Variants in DLL4 observed in about 807,000 individuals in gnomAD.
DLL4 encodes the protein delta like canonical Notch ligand 4, also known as delta-like protein 4.
DLL4 carries 7 observed loss-of-function variants against 73.6 expected under a neutral mutation model. The observed-to-expected ratio is 0.10, with a 90% confidence interval of 0.05 to 0.18. DLL4 has a LOEUF of 0.18. DLL4 is among the 10% of genes least tolerant of loss of function. DLL4 has a pLI of 1.00. For synonymous variants in DLL4, 345 were observed against 374.3 expected, an observed-to-expected ratio of 0.92 and a Z score of 0.90; for missense variants, 614 against 929.9, an observed-to-expected ratio of 0.66 and a Z score of 4.42.
In DLL4 at chr15:40,935,012, G is replaced by A; in HGVS notation, c.1135G>A (p.Glu379Lys). 6.2e-7 allele frequency: 1 copy of A among 1,613,568 alleles called. No homozygotes were observed. Among genetic ancestry groups the A allele is most frequent in the Non-Finnish European group, 8.5e-7 (1 of 1,179,892 alleles). Residue 379 changes from glutamate to lysine, a missense_variant, in exon 8 of 11, where the codon GAG becomes AAG. By Grantham distance (56) the Glu-to-Lys change is moderately conservative. Coordinates refer to ENST00000249749, the MANE Select transcript of DLL4 (RefSeq NM_019074.4). ...SPCFNGGSCR[E>K]RNQGANYACE... ...CTGCTTCAATGGGGGCTCCTGCCGG[G>A]AGCGCAACCAGGGGGCCAACTATGC...
Position 40,932,410 on chromosome 15 carries a change from T to C in DLL4, c.813T>C (p.Thr271=). ...HGTCSTPWQC[T]CDEGWGGLFC... is the part of the protein sequence containing the mutation. ...CCTGCAGCACTCCCTGGCAATGTAC[T>C]TGTGATGAGGGCTGGGGAGGCCTGT... Residue 271 remains threonine, a synonymous_variant, in exon 6 of 11, where the codon ACT becomes ACC. Coordinates refer to ENST00000249749, the MANE Select transcript of DLL4 (RefSeq NM_019074.4). 1 of 1,613,944 alleles carries C rather than the reference T, an allele frequency of 6.2e-7. No homozygotes were observed. The highest frequency in any genetic ancestry group is 8.5e-7 in the Non-Finnish European group (1 of 1,179,894).
At chr15:40,935,661 G>T (rs541280596) in intron 8 of DLL4, among the ~76,000 whole-genome samples, 186 of 152,334 alleles carry the variant, frequency 1.2e-3, no homozygotes, top group African/African-American at 4.4e-3. Context: ...GGGGTGGGAA[G>T]GGCTGAGAGG....
Position 40,929,460 on chromosome 15 carries a change from C to CCT in DLL4, c.-207_-206dup. The stretch of plus-strand genomic sequence containing the variant: ...CCCCAGGATTAGACAGAAGACGCGT[C>CCT]CTCGGCGCGGTCGCCGCCCAGCCGT... On this transcript the variant is annotated 5_prime_UTR_variant, in exon 1 of 11. Transcript: ENST00000249749. This position sits in a 1 kb window ranked among gnomAD's most constrained non-coding sequence, Gnocchi z 7.1. The CCT allele has an allele frequency of 1.8e-6, 1 of 555,342 alleles. No individual in the cohort carries two copies. Among genetic ancestry groups the CCT allele is most frequent in the Admixed American group, 3.6e-5 (1 of 28,090 alleles). 34.4% of individuals were successfully genotyped at this position (555,342 alleles called of 1,614,324 possible).
intron 8 of DLL4, 112 bp downstream of exon 8, chr15:40,935,229 A>G: frequency 9.1e-7 from 1 of 1,095,298 alleles, no homozygotes; most frequent in Non-Finnish European, 1.3e-6. Context: ...CTGGCCCCCC[A>G]TCTGCTCTGG....
At position 40,930,672 on chromosome 15, in the gene DLL4, C is replaced by A. The variant is rs755576823; in HGVS notation, c.384C>A (p.Asp128Glu). The A allele has an allele frequency of 8.7e-6, 14 of 1,613,682 alleles. No homozygotes were observed. In the East Asian group the frequency reaches 2.2e-4, roughly 26 times the overall value. Reference sequence around the variant, plus strand: ...AAGCTTGGCACGCGCCAGGAGACGACCTGCGGCCAGGTGAGTAGCTCGCTC... The same window carrying A: ...AAGCTTGGCACGCGCCAGGAGACGAACTGCGGCCAGGTGAGTAGCTCGCTC... ...IIEAWHAPGD[D>E]LRPEALPPDA... The change falls in exon 3 of 11, where the codon GAC becomes GAA. Residue 128 changes from aspartate to glutamate, a missense_variant. Around this residue, in one of 3 missense-constraint regions of DLL4, gnomAD observed 227 missense variants for 370.8 expected, o/e 0.61. Transcript: ENST00000249749. The surrounding 1 kb of genome is among the most constrained non-coding windows in gnomAD (Gnocchi z 5.7).
chr15:40,936,689 A>G lies in DLL4; in HGVS notation c.1702A>G (p.Met568Val). ...RRPDDGSREA[M>V]NNLSDFQKDN... ...GCCGGACGACGGCAGCAGGGAAGCC[A>G]TGAACAACTTGTCGGACTTCCAGAA... Residue 568 changes from methionine to valine, a missense_variant, in exon 9 of 11, where the codon ATG becomes GTG. By Grantham distance (21) the Met-to-Val change is conservative. Coordinates refer to ENST00000249749, the MANE Select transcript of DLL4 (RefSeq NM_019074.4). 1 of 1,613,640 alleles carries G rather than the reference A, an allele frequency of 6.2e-7. No homozygotes were observed. The highest frequency in any genetic ancestry group is 8.5e-7 in the Non-Finnish European group (1 of 1,179,870).
Position 40,930,591 on chromosome 15 carries a change from C to T in DLL4, c.337-34C>T, listed in dbSNP as rs769691766. The T allele has an allele frequency of 4.4e-6, 7 of 1,602,784 alleles. No homozygotes were observed. The South Asian group carries it at 6.6e-5, about 15-fold the overall frequency. On this transcript the variant is annotated intron_variant, in intron 2 of 10. Transcript: ENST00000249749. This position sits in a 1 kb window ranked among gnomAD's most constrained non-coding sequence, Gnocchi z 5.7. Reference sequence around the variant, plus strand: ...CCCACCTCTCCCCGCTTGCTCATCTCGCCATCTCTCCGTCCCCCCACCCCC... The same window carrying T: ...CCCACCTCTCCCCGCTTGCTCATCTTGCCATCTCTCCGTCCCCCCACCCCC...
chr15:40,934,933 G>A lies in DLL4; in HGVS notation c.1056G>A (p.Pro352=), dbSNP rs772208886. 19 of 1,613,580 alleles carry A rather than the reference G, an allele frequency of 1.2e-5. No homozygotes were observed. The highest frequency in any genetic ancestry group is 9.3e-5 in the African/African-American group (7 of 74,916). ...ATGGCTACCACTGCCTGTGTCCTCC[G>A]GGCTACTATGGCCTGCATTGTGAAC... ...QEDGYHCLCP[P]GYYGLHCEHS... is the part of the protein sequence containing the mutation. The change falls in exon 8 of 11, where the codon CCG becomes CCA. Residue 352 remains proline, a synonymous_variant. Transcript: ENST00000249749.
intron 4 of DLL4, among the ~76,000 whole-genome samples, 154 bp downstream of exon 4, chr15:40,931,920 C>A (rs1319530109): frequency 6.6e-6 from 1 of 152,196 alleles, no homozygotes; most frequent in Non-Finnish European, 1.5e-5. Context: ...TGACCTCAGA[C>A]CTCCTGTCTC....
At chr15:40,937,580 G>C in intron 10 of DLL4, 54 bp downstream of exon 10, 1 of 1,325,484 alleles carries the variant, frequency 7.5e-7, no homozygotes, top group Non-Finnish European at 1.1e-6. Context: ...AAAGTGGCCT[G>C]GTCACTCTTG....
intron 4 of DLL4, 21 bp from the exon 5 acceptor site, chr15:40,932,150 A>G (rs1892779773): frequency 6.2e-7 from 1 of 1,614,008 alleles, no homozygotes; most frequent in Non-Finnish European, 8.5e-7. Flanking sequence ...AGCCTCACCC[A>G]GCTCTGTGTT....
intron 6 of DLL4, among the ~76,000 whole-genome samples, chr15:40,933,787 C>CTTT (rs1892803807): frequency 6.6e-6 from 1 of 152,134 alleles, no homozygotes; most frequent in East Asian, 1.9e-4. Flanking sequence ...GTTGACTGCA[C>CTTT]TGGTCATATG....
chr15:40,937,836 C>A (rs1393381093), intron 10 of DLL4, among the ~76,000 whole-genome samples, 193 bp from the exon 11 acceptor site: 1 of 152,216 alleles, frequency 6.6e-6, no homozygotes, highest in Non-Finnish European at 1.5e-5. Context: ...TTCCCACTGG[C>A]TTCCTCCATT....
At chr15:40,933,073 A>G (rs1258871233) in intron 6 of DLL4, among the ~76,000 whole-genome samples, 1 of 152,306 alleles carries the variant, frequency 6.6e-6, no homozygotes, top group East Asian at 1.9e-4. Flanking sequence ...GGGAGGAGGA[A>G]GCCTTTTTTC....
Position 40,930,776 on chromosome 15 carries a change from T to G in DLL4, c.394+94T>G, listed in dbSNP as rs1596192105. On this transcript the variant is annotated intron_variant, in intron 3 of 10. Coordinates refer to ENST00000249749, the MANE Select transcript of DLL4 (RefSeq NM_019074.4). The surrounding 1 kb of genome is among the most constrained non-coding windows in gnomAD (Gnocchi z 5.7). ...GGCGGGGGAAGTGCGGGCTTGGGGG[T>G]GGGAGGCAGGACGCTTAGCTTGGCC... 58 of 1,159,308 alleles carry G rather than the reference T, an allele frequency of 5.0e-5. No homozygotes were observed. The highest frequency in any genetic ancestry group is 7.1e-5 in the Non-Finnish European group (56 of 793,314). The allele number at this position is 1,159,308 out of a possible 1,614,324, so 71.8% of individuals were successfully genotyped here.
chr15:40,934,816 G>A lies in DLL4; in HGVS notation c.1021-82G>A, dbSNP rs1285636318. 5 of 1,585,762 alleles carry A rather than the reference G, an allele frequency of 3.2e-6. No individual in the cohort carries two copies. In the East Asian group the frequency reaches 6.7e-5, roughly 21 times the overall value. ...GGATGTACAGCCATGGACAGGCATT[G>A]TGGGCAGGTGGAGCCCAGCCTTCAG... On this transcript the variant is annotated intron_variant, in intron 7 of 10. Coordinates refer to ENST00000249749, the MANE Select transcript of DLL4 (RefSeq NM_019074.4).
In DLL4 at chr15:40,936,266, C is replaced by T. The variant is rs1469361859; in HGVS notation, c.1279C>T (p.Arg427Cys). Residue 427 changes from arginine (R) to cysteine (C), a missense_variant, in exon 9 of 11, where the codon CGC becomes TGC. By Grantham distance (180) the Arg-to-Cys change is radical. Around this residue, in one of 3 missense-constraint regions of DLL4, gnomAD observed 386 missense variants for 541.3 expected, o/e 0.71. Transcript: ENST00000249749. ...CLNRGPSRMC[R>C]CRPGFTGTYC... ...GAACCGAGGTCCAAGCCGCATGTGC[C>T]GCTGCCGTCCTGGATTCACGGGCAC... is the stretch of plus-strand genomic sequence containing the variant. The T allele has an allele frequency of 3.1e-6, 5 of 1,606,796 alleles. No homozygotes were observed. Among genetic ancestry groups the T allele is most frequent in the Non-Finnish European group, 4.2e-6 (5 of 1,177,782 alleles).
Position 40,931,726 on chromosome 15 carries a change from G to C in DLL4, c.618G>C (p.Leu206Phe), listed in dbSNP as rs1271369942. The C allele has an allele frequency of 6.2e-7, 1 of 1,613,692 alleles. No individual in the cohort carries two copies. The highest frequency in any genetic ancestry group is 1.3e-5 in the African/African-American group (1 of 74,954). ...GHYVCQPDGNLSCLPGWTGEY... is the reference protein window; with the variant it reads ...GHYVCQPDGNFSCLPGWTGEY... ...ATGTGTGCCAGCCAGATGGCAACTT[G>C]TCCTGCCTGCCCGGTTGGACTGGGG... is the stretch of plus-strand genomic sequence containing the variant. The change falls in exon 4 of 11, where the codon TTG becomes TTC. Residue 206 changes from leucine (L) to phenylalanine (F), a missense_variant. Around this residue, in one of 3 missense-constraint regions of DLL4, gnomAD observed 227 missense variants for 370.8 expected, o/e 0.61. Coordinates refer to ENST00000249749, the MANE Select transcript of DLL4 (RefSeq NM_019074.4).
chr15:40,936,044 C>G (rs1329717250), intron 8 of DLL4, among the ~76,000 whole-genome samples, 184 bp from the exon 9 acceptor site: 1 of 152,252 alleles, frequency 6.6e-6, no homozygotes, highest in Non-Finnish European at 1.5e-5. Flanking sequence ...CATGAGCCCA[C>G]TGAGGCCGAG....
Sources: gnomAD v4.1 joint callset for allele counts (sites outside exome capture counted in the v4.1 genomes callset) on GRCh38, gnomAD v4.1.1 for gene constraint, gnomAD v4.1.1 regional missense constraint, Gnocchi (gnomAD v3.1) non-coding constraint, MANE v1.5 for transcripts, NCBI Gene and HGNC (gene_info 2026-07-23, HGNC 2026-07-21) for gene names.